EDAR: variants seen among roughly 807,000 people sequenced by gnomAD.
EDAR encodes tumor necrosis factor receptor superfamily member EDAR.
EDAR carries 38 observed loss-of-function variants against 51.3 expected under a neutral mutation model. The observed-to-expected ratio is 0.74, with a 90% CI of 0.57 to 0.97. The LOEUF is 0.97. Ranked by LOEUF, EDAR falls within the 50% of genes least tolerant of loss-of-function variation. The pLI is 0.00. For synonymous variants in EDAR, 227 were observed against 242.1 expected, an observed-to-expected ratio of 0.94 and a Z score of 0.58; for missense variants, 528 against 595.0, an observed-to-expected ratio of 0.89 and a Z score of 1.17.
intron 1 of EDAR, among the ~76,000 whole-genome samples, chr2:108,981,276 C>T (rs2104475120): frequency 6.6e-6 from 1 of 152,332 alleles, no homozygotes; most frequent in East Asian, 1.9e-4. Flanking sequence ...ACCCTGCCGC[C>T]AGCATTCTTT....
At chr2:108,949,563 G>C (rs1345120174) in intron 1 of EDAR, among the ~76,000 whole-genome samples, 4 of 152,136 alleles carry the variant, frequency 2.6e-5, no homozygotes, top group Admixed American at 6.5e-5. Context: ...TGCATGACTT[G>C]CAATTAATTG....
intron 6 of EDAR, among the ~76,000 whole-genome samples, chr2:108,911,636 T>C (rs780127588): frequency 8.5e-5 from 13 of 152,150 alleles, no homozygotes; most frequent in African/African-American, 3.1e-4. Context: ...CCCGGGGGAT[T>C]TTGCTCAGTT....
intron 1 of EDAR, among the ~76,000 whole-genome samples, chr2:108,946,271 A>G (rs1470335046): frequency 1.3e-5 from 2 of 152,186 alleles, no homozygotes; most frequent in Non-Finnish European, 1.5e-5. Flanking sequence ...CCCCAAACTC[A>G]TGTCAGTACC....
At chr2:108,925,965 T>C (rs1697245214) in intron 4 of EDAR, among the ~76,000 whole-genome samples, 1 of 152,166 alleles carries the variant, frequency 6.6e-6, no homozygotes, top group South Asian at 2.1e-4. Context: ...GTTATGAAAC[T>C]GTCCTTCCTC....
intron 1 of EDAR, among the ~76,000 whole-genome samples, chr2:108,973,048 G>A (rs72836575): frequency 0.026 from 3,936 of 152,060 alleles, 83 homozygotes; most frequent in Non-Finnish European, 0.033. Flanking sequence ...CTGCAGTGGC[G>A]CAATTTCAGC....
In EDAR at chr2:108,979,173, G is replaced by A. The variant is rs144326395; in HGVS notation, c.-19+9787C>T. 7.2e-3 allele frequency among the ~76,000 whole-genome samples: 1,090 copies of A among 152,276 alleles called. 8 individuals are homozygous for A. The highest frequency in any genetic ancestry group is 0.028 in the South Asian group (134 of 4,820). Reference sequence around the variant, plus strand: ...CACTGTGTTTCTCCATCCACTGCCCGAGTACTTGACCCTTACTTAAGGAAC... The same window carrying A: ...CACTGTGTTTCTCCATCCACTGCCCAAGTACTTGACCCTTACTTAAGGAAC... On this transcript the variant is annotated intron_variant, in intron 1 of 11. Coordinates refer to ENST00000258443, the MANE Select transcript of EDAR (RefSeq NM_022336.4).
chr2:108,966,449 G>A (rs1267211128), intron 1 of EDAR, among the ~76,000 whole-genome samples: 1 of 152,232 alleles, frequency 6.6e-6, no homozygotes. Context: ...CAGGGCACAG[G>A]AAGGCCTATG....
At chr2:108,937,265 G>A (rs1441671089) in intron 1 of EDAR, among the ~76,000 whole-genome samples, 2 of 152,216 alleles carry the variant, frequency 1.3e-5, no homozygotes, top group Non-Finnish European at 2.9e-5. Context: ...AGGGCTATGA[G>A]GGGCAAACTG....
Position 108,896,855 on chromosome 2 carries a change from C to A in EDAR, c.*52G>T. On this transcript the variant is annotated 3_prime_UTR_variant, in exon 12 of 12. Coordinates refer to ENST00000258443, the MANE Select transcript of EDAR (RefSeq NM_022336.4). ...TTTGGCACCACTCACAGCTCCAGAGCCCTCGTTGGCTCCTTGGCTTGTCCT... is the reference window on the plus strand; with the variant it reads ...TTTGGCACCACTCACAGCTCCAGAGACCTCGTTGGCTCCTTGGCTTGTCCT... The A allele has an allele frequency of 6.4e-7, 1 of 1,559,046 alleles. No individual in the cohort carries two copies. The highest frequency in any genetic ancestry group is 1.8e-5 in the Admixed American group (1 of 55,024).
At chr2:108,981,492 C>T (rs969540732) in intron 1 of EDAR, among the ~76,000 whole-genome samples, 4 of 152,188 alleles carry the variant, frequency 2.6e-5, no homozygotes, top group African/African-American at 4.8e-5. Context: ...TTCCATTTTC[C>T]GCTCTAGCTC....
intron 1 of EDAR, among the ~76,000 whole-genome samples, chr2:108,962,360 T>C (rs760810892): frequency 1.3e-5 from 2 of 152,204 alleles, no homozygotes; most frequent in Non-Finnish European, 2.9e-5. Context: ...AAAGCTCAAA[T>C]AGCCAATAAG....
intron 1 of EDAR, among the ~76,000 whole-genome samples, chr2:108,937,698 TGTGA>T (rs929345811): frequency 6.7e-6 from 1 of 149,478 alleles, no homozygotes; most frequent in African/African-American, 2.6e-5. Flanking sequence ...TGTGTATGTG[TGTGA>T]GTGTATGTGT....
chr2:108,960,349 G>T (rs1245416261), intron 1 of EDAR, among the ~76,000 whole-genome samples: 1 of 152,246 alleles, frequency 6.6e-6, no homozygotes, highest in African/African-American at 2.4e-5. Context: ...AATGTTTAGT[G>T]GAGGGTGGTC....
Position 108,989,203 on chromosome 2 carries a change from T to C in EDAR, c.-262A>G, listed in dbSNP as rs1164369655. On this transcript the variant is annotated 5_prime_UTR_variant, in exon 1 of 12. Transcript: ENST00000258443. ...CGGGAACTCTTCCTTGACCGCTCCC[T>C]GCCCTGTCTGCAAGTTTGGAAACTC... 1 of 153,036 alleles carries C rather than the reference T, an allele frequency of 6.5e-6. No individual in the cohort carries two copies. The highest frequency in any genetic ancestry group is 2.4e-5 in the African/African-American group (1 of 41,608). 9.5% of individuals were successfully genotyped at this position (153,036 alleles called of 1,614,324 possible). A position where few individuals can be genotyped will look rare whatever the true frequency, so the allele number is the denominator to read the frequency against.
intron 1 of EDAR, among the ~76,000 whole-genome samples, chr2:108,938,905 G>A (rs1030761995): frequency 2.1e-5 from 3 of 142,568 alleles, no homozygotes; most frequent in East Asian, 2.1e-4. Flanking sequence ...TCAGCCTCTC[G>A]AGTAGCTGCG....
chr2:108,971,920 T>C (rs1467222067), intron 1 of EDAR, among the ~76,000 whole-genome samples: 4 of 152,224 alleles, frequency 2.6e-5, no homozygotes, highest in African/African-American at 9.6e-5. Context: ...TGCTGTGCCG[T>C]GGCTGCTGCT....
chr2:108,929,206 G>T lies in EDAR; in HGVS notation c.348C>A (p.Cys116Ter), dbSNP rs1558813875. 6.2e-7 allele frequency: 1 copy of T among 1,614,042 alleles called. No homozygotes were observed. Residue 116 changes from cysteine to a stop codon, truncating the protein, a stop_gained, in exon 4 of 12, where the codon TGC (cysteine) becomes TGA (stop). Transcript: ENST00000258443. LOFTEE classifies it high-confidence loss of function. The stretch of plus-strand genomic sequence containing the variant: ...GGAGGGCCTGTGCTTACCCAGGGAG[G>T]CAAGGGCCACACTCAGCGTCATTCT... ...DMENDAECGP[C>*]LPGYYMLENR... is the part of the protein sequence containing the mutation.
chr2:108,979,502 C>T (rs1198956727), intron 1 of EDAR, among the ~76,000 whole-genome samples: 1 of 150,134 alleles, frequency 6.7e-6, no homozygotes, highest in Admixed American at 6.6e-5. Flanking sequence ...CACACACACG[C>T]ATGGCACACC....
intron 9 of EDAR, among the ~76,000 whole-genome samples, chr2:108,909,498 T>A (rs2105397947): frequency 7.1e-6 from 1 of 140,766 alleles, no homozygotes; most frequent in African/African-American, 2.6e-5. Flanking sequence ...ACCTCTGCTC[T>A]TCCTGTAACC....
Sources: gnomAD v4.1 joint callset for allele counts (sites outside exome capture counted in the v4.1 genomes callset) on GRCh38, gnomAD v4.1.1 for gene constraint, MANE v1.5 for transcripts, NCBI Gene and HGNC (gene_info 2026-07-23, HGNC 2026-07-21) for gene names.